Variants in NEGR1 observed in about 807,000 individuals in gnomAD.
NEGR1 encodes neuronal growth regulator 1.
NEGR1 carries 10 observed loss-of-function variants against 40.9 expected under a neutral mutation model. The observed-to-expected ratio is 0.24, with a 90% confidence interval of 0.15 to 0.42. The LOEUF is 0.42. Among genes scored for constraint, NEGR1 ranks in the 10% least tolerant of loss-of-function variants. NEGR1 has a pLI of 1.00. For synonymous variants in NEGR1, 185 were observed against 166.8 expected (o/e 1.11, Z -0.84); for missense variants, 352 against 438.9 (o/e 0.80, Z 1.77).
At chr1:71,894,851 T>A (rs1286259995) in intron 2 of NEGR1, among the ~76,000 whole-genome samples, 1 of 152,080 alleles carries the variant, frequency 6.6e-6, no homozygotes. Flanking sequence ...GAGGATATAG[T>A]GTGCTATAAT....
intron 2 of NEGR1, among the ~76,000 whole-genome samples, chr1:71,866,586 T>G (rs1019731836): frequency 1.3e-5 from 2 of 152,212 alleles, no homozygotes; most frequent in African/African-American, 4.8e-5. Flanking sequence ...TTAAATTGTT[T>G]CAGCAAAAAT....
At chr1:72,228,710 G>A (rs576494928) in intron 1 of NEGR1, among the ~76,000 whole-genome samples, 1 of 152,050 alleles carries the variant, frequency 6.6e-6, no homozygotes, top group Non-Finnish European at 1.5e-5. Context: ...ACCAAAAGAT[G>A]ACCAGGGACT....
chr1:71,574,382 G>C (rs1570051185), intron 6 of NEGR1, among the ~76,000 whole-genome samples: 1 of 152,038 alleles, frequency 6.6e-6, no homozygotes, highest in South Asian at 2.1e-4. Flanking sequence ...TTGTAAGTAG[G>C]GTATAATCTC....
At chr1:71,414,370 T>G (rs915051477) in intron 6 of NEGR1, among the ~76,000 whole-genome samples, 4 of 152,180 alleles carry the variant, frequency 2.6e-5, no homozygotes, top group African/African-American at 4.8e-5. Flanking sequence ...GAGGCTCAGA[T>G]TACACTTCCC....
intron 1 of NEGR1, among the ~76,000 whole-genome samples, chr1:72,196,209 A>G (rs963284834): frequency 3.9e-5 from 6 of 152,066 alleles, no homozygotes; most frequent in Admixed American, 3.9e-4. Flanking sequence ...TGATGCTCAA[A>G]GAAAATGCTC....
intron 2 of NEGR1, among the ~76,000 whole-genome samples, chr1:71,843,842 C>G (rs1358815608): frequency 6.6e-6 from 1 of 152,084 alleles, no homozygotes; most frequent in Non-Finnish European, 1.5e-5. Flanking sequence ...TAGAATCGCT[C>G]CATTAATTCA....
intron 3 of NEGR1, among the ~76,000 whole-genome samples, chr1:71,715,107 T>G (rs1407236034): frequency 6.6e-6 from 1 of 152,206 alleles, no homozygotes; most frequent in Non-Finnish European, 1.5e-5. Context: ...TGTGCATCTG[T>G]AGGCCCAACA....
chr1:71,444,048 T>C (rs1033120709), intron 6 of NEGR1, among the ~76,000 whole-genome samples: 1 of 152,200 alleles, frequency 6.6e-6, no homozygotes, highest in African/African-American at 2.4e-5. Context: ...TTGAATCAAT[T>C]ATTATAGGTA....
At chr1:71,709,047 C>T (rs1329387143) in intron 3 of NEGR1, among the ~76,000 whole-genome samples, 1 of 152,128 alleles carries the variant, frequency 6.6e-6, no homozygotes, top group Non-Finnish European at 1.5e-5. Flanking sequence ...AACAGTGCTG[C>T]AATGAACATA....
rs755354250 is a variant in NEGR1, at chr1:71,506,608, C to T, written c.940+86209G>A. ...AATAATAGAAAAAAAATCATTTGGTCATAACAATGAATACTTGCCTGAATC... is the reference window on the plus strand; with the variant it reads ...AATAATAGAAAAAAAATCATTTGGTTATAACAATGAATACTTGCCTGAATC... On this transcript the variant is annotated intron_variant, in intron 6 of 6. Transcript: ENST00000357731. Among the ~76,000 whole-genome samples the T allele has an allele frequency of 3.9e-5, 6 of 152,064 alleles. No individual in the cohort carries two copies. In the East Asian group the frequency reaches 9.7e-4, roughly 25 times the overall value.
intron 4 of NEGR1, among the ~76,000 whole-genome samples, chr1:71,630,186 A>G (rs1570127058): frequency 6.6e-6 from 1 of 152,122 alleles, no homozygotes; most frequent in East Asian, 1.9e-4. Context: ...TCCAAAATGT[A>G]TTTAGGAGTT....
chr1:71,947,952 A>G (rs1382062288), intron 1 of NEGR1, among the ~76,000 whole-genome samples: 1 of 152,148 alleles, frequency 6.6e-6, no homozygotes, highest in Non-Finnish European at 1.5e-5. Context: ...TCCACTTCTA[A>G]TCTTCCCTTT....
intron 6 of NEGR1, among the ~76,000 whole-genome samples, chr1:71,545,746 C>T (rs888375202): frequency 8.6e-5 from 13 of 151,428 alleles, no homozygotes; most frequent in Non-Finnish European, 8.9e-5. Flanking sequence ...AACTCAGGCC[C>T]GAGGGGAAAA....
chr1:71,711,795 G>T (rs1315675731), intron 3 of NEGR1, among the ~76,000 whole-genome samples: 1 of 152,100 alleles, frequency 6.6e-6, no homozygotes, highest in African/African-American at 2.4e-5. Flanking sequence ...AATCCAATTT[G>T]CTAATAAAAT....
At position 71,935,328 on chromosome 1, in the gene NEGR1, A is replaced by G. The variant is rs1468124283; in HGVS notation, c.177-17T>C. ...AAATAACACCTACAAATTACAAGAGATACAACACTATTAATCAAAATAAAA... is the reference window on the plus strand; with the variant it reads ...AAATAACACCTACAAATTACAAGAGGTACAACACTATTAATCAAAATAAAA... On this transcript the variant is annotated splice_polypyrimidine_tract_variant and intron_variant, in intron 1 of 6. Transcript: ENST00000357731. 6.8e-7 allele frequency: 1 copy of G among 1,468,022 alleles called. No individual in the cohort carries two copies. The highest frequency in any genetic ancestry group is 9.5e-7 in the Non-Finnish European group (1 of 1,047,634). The allele number at this position is 1,468,022 out of a possible 1,614,324, so 90.9% of individuals were successfully genotyped here.
chr1:71,946,189 T>C (rs1378489352), intron 1 of NEGR1, among the ~76,000 whole-genome samples: 1 of 152,064 alleles, frequency 6.6e-6, no homozygotes, highest in Non-Finnish European at 1.5e-5. Flanking sequence ...ATGTCCTACA[T>C]TCCCGAATAT....
intron 6 of NEGR1, among the ~76,000 whole-genome samples, chr1:71,523,073 T>A (rs1040338740): frequency 2.0e-5 from 3 of 151,948 alleles, no homozygotes; most frequent in Non-Finnish European, 4.4e-5. Flanking sequence ...GATGGTTGGT[T>A]CACCTCAGGA....
At chr1:71,666,397 A>C (rs931228933) in intron 4 of NEGR1, among the ~76,000 whole-genome samples, 2 of 152,160 alleles carry the variant, frequency 1.3e-5, no homozygotes, top group African/African-American at 4.8e-5. Flanking sequence ...CCATCATGGA[A>C]ATAGAATAGT....
intron 1 of NEGR1, among the ~76,000 whole-genome samples, chr1:72,216,506 A>T (rs1055414305): frequency 6.7e-6 from 1 of 149,490 alleles, no homozygotes; most frequent in African/African-American, 2.4e-5. Context: ...TAAAGATGTA[A>T]TTATTATTTC....
Sources: allele counts gnomAD v4.1 joint callset (sites outside exome capture counted in the v4.1 genomes callset), GRCh38; gene constraint gnomAD v4.1.1; transcripts MANE v1.5; gene names NCBI Gene and HGNC (gene_info 2026-07-23, HGNC 2026-07-21).